CAMK1D: variants seen among roughly 807,000 people sequenced by gnomAD.
CAMK1D encodes the protein calcium/calmodulin dependent protein kinase ID.
CAMK1D carries 9 observed loss-of-function variants against 47.7 expected under a neutral mutation model. The observed-to-expected ratio is 0.19, with a 90% confidence interval of 0.11 to 0.33. CAMK1D has a LOEUF of 0.33. CAMK1D is among the 10% of genes least tolerant of loss of function. The probability of loss-of-function intolerance (pLI) is 1.00; values close to 1 mark genes in which losing one functional copy is unlikely to be tolerated. For missense variants in CAMK1D, 291 were observed against 488.7 expected (o/e 0.60, Z 3.81); for synonymous variants, 184 against 184.9 (o/e 0.99, Z 0.04).
chr10:12,363,589 T>A (rs1353161700), intron 1 of CAMK1D, among the ~76,000 whole-genome samples: 1 of 152,048 alleles, frequency 6.6e-6, no homozygotes, highest in Non-Finnish European at 1.5e-5. Flanking sequence ...AAATAGTTGT[T>A]ACACTGTATT....
chr10:12,511,466 T>C (rs1835037266), intron 1 of CAMK1D, among the ~76,000 whole-genome samples: 1 of 151,958 alleles, frequency 6.6e-6, no homozygotes, highest in Admixed American at 6.6e-5. Context: ...AACAAATTGG[T>C]CAGGTGTGGT....
chr10:12,590,565 G>A (rs921497100), intron 2 of CAMK1D, among the ~76,000 whole-genome samples: 6 of 152,138 alleles, frequency 3.9e-5, no homozygotes, highest in African/African-American at 1.4e-4. Context: ...TAGCACCTAG[G>A]AGAGTACTTT....
At chr10:12,604,086 C>T (rs1195630363) in intron 2 of CAMK1D, among the ~76,000 whole-genome samples, 2 of 141,134 alleles carry the variant, frequency 1.4e-5, no homozygotes, top group South Asian at 2.3e-4. Context: ...CTCTGTCATA[C>T]TGGGATCGCT....
intron 4 of CAMK1D, among the ~76,000 whole-genome samples, chr10:12,763,976 A>G (rs2130912919): frequency 6.6e-6 from 1 of 152,128 alleles, no homozygotes; most frequent in Non-Finnish European, 1.5e-5. Context: ...TCCTGTTGGG[A>G]TCGGGGATGG....
At chr10:12,352,090 C>T (rs1164524412) in intron 1 of CAMK1D, among the ~76,000 whole-genome samples, 1 of 152,170 alleles carries the variant, frequency 6.6e-6, no homozygotes, top group Non-Finnish European at 1.5e-5. Context: ...TTTACCATTA[C>T]ACCCAATTTG....
rs1244927320 is a variant in CAMK1D at position 12,827,472 on chromosome 10, GTCTTTCTTTCTTTCTTTCTTTCTTTCTT to G, written c.1040-1255_1040-1228del. Reference sequence around the variant, plus strand: ...CTTTCTTTTCTTTCTTTGTCTGTCTGTCTTTCTTTCTTTCTTTCTTTCTTTCTTTCTTTCTTTCTTTCTTTCTTTCTTT... The same window carrying G: ...CTTTCTTTTCTTTCTTTGTCTGTCTGTCTTTCTTTCTTTCTTTCTTTCTTT... On this transcript the variant is annotated intron_variant, in intron 10 of 10. Coordinates refer to ENST00000619168, the MANE Select transcript of CAMK1D (RefSeq NM_153498.4). Among the ~76,000 whole-genome samples, 4 of 5,096 alleles carry G rather than the reference GTCTTTCTTTCTTTCTTTCTTTCTTTCTT, an allele frequency of 7.8e-4. 1 individual carries two copies. The highest frequency in any genetic ancestry group is 1.9e-3 in the African/African-American group (4 of 2,156). The allele number at this position is 5,096 out of a possible 152,430, so 3.3% of individuals were successfully genotyped here. A position where few individuals can be genotyped will look rare whatever the true frequency, so the allele number is the denominator to read the frequency against.
chr10:12,704,958 T>C (rs1833674510), intron 3 of CAMK1D, among the ~76,000 whole-genome samples: 2 of 152,212 alleles, frequency 1.3e-5, no homozygotes, highest in African/African-American at 2.4e-5. Context: ...AATCAAAATA[T>C]AGAGGCAGTG....
chr10:12,654,535 A>G (rs1028781860), intron 2 of CAMK1D, among the ~76,000 whole-genome samples: 14 of 152,214 alleles, frequency 9.2e-5, no homozygotes, highest in African/African-American at 3.4e-4. Context: ...TTAGTGTTTC[A>G]AAGTCTTGCT....
rs775467364 is a variant in CAMK1D at position 12,828,835 on chromosome 10, A to G, written c.1106A>G (p.Glu369Gly). 3.7e-6 allele frequency: 6 copies of G among 1,613,554 alleles called. No individual in the cohort carries two copies. The highest frequency in any genetic ancestry group is 1.3e-5 in the African/African-American group (1 of 74,848). ...TCGGGGGTCTCAGGAGTTGGAGCCG[A>G]GCGGAGACCCAGGCCCACCACTGTG... ...SSSGVSGVGA[E>G]RRPRPTTVTA... Residue 369 changes from glutamate to glycine, a missense_variant, in exon 11 of 11, where the codon GAG (glutamate) becomes GGG (glycine). Glu to Gly is a moderately conservative substitution (Grantham distance 98, BLOSUM62 -2). Around this residue, in one of 2 missense-constraint regions of CAMK1D, gnomAD observed 72 missense variants for 64.4 expected, o/e 1.12. Transcript: ENST00000619168.
rs1294387399 is a variant in CAMK1D, at chr10:12,615,589, G to A, written c.225-51147G>A. Among the ~76,000 whole-genome samples the A allele has an allele frequency of 1.2e-3, 16 of 13,392 alleles. 1 individual carries two copies. Among genetic ancestry groups the A allele is most frequent in the Non-Finnish European group, 4.0e-3 (2 of 494 alleles). The allele number at this position is 13,392 out of a possible 152,430, so 8.8% of individuals were successfully genotyped here. A position where few individuals can be genotyped will look rare whatever the true frequency, so the allele number is the denominator to read the frequency against. ...ATCGTGTGTGTGCGTGTGTGTAGGT[G>A]TGTATTGTGTTTGCAAGTATGTATA... On this transcript the variant is annotated intron_variant, in intron 2 of 10. Transcript: ENST00000619168.
At chr10:12,593,435 C>A (rs1838054450) in intron 2 of CAMK1D, among the ~76,000 whole-genome samples, 1 of 151,986 alleles carries the variant, frequency 6.6e-6, no homozygotes, top group African/African-American at 2.4e-5. Context: ...ACCGAAAATA[C>A]AAAAATTAGC....
At chr10:12,504,460 C>A (rs963544100) in intron 1 of CAMK1D, among the ~76,000 whole-genome samples, 7 of 152,196 alleles carry the variant, frequency 4.6e-5, no homozygotes, top group African/African-American at 1.7e-4. Flanking sequence ...GTCGCCCACC[C>A]TTCCTCTGCC....
chr10:12,571,615 C>T (rs919937294), intron 2 of CAMK1D, among the ~76,000 whole-genome samples: 16 of 152,140 alleles, frequency 1.1e-4, no homozygotes, highest in African/African-American at 3.6e-4. Context: ...CTTCAGAAAC[C>T]CAGGGTAACC....
Position 12,364,491 on chromosome 10 carries a change from C to T in CAMK1D, c.92+14581C>T, listed in dbSNP as rs117895794. ...CTTCTGACCTCAGGTGATCCGCCCA[C>T]CTAGGCCTCCCGAAGTACTAGGATT... On this transcript the variant is annotated intron_variant, in intron 1 of 10. Transcript: ENST00000619168. 3.6e-3 allele frequency among the ~76,000 whole-genome samples: 546 copies of T among 152,114 alleles called. 7 individuals are homozygous for T. Among genetic ancestry groups the T allele is most frequent in the East Asian group, 0.036 (185 of 5,180 alleles).
At chr10:12,693,304 G>A (rs1056789798) in intron 3 of CAMK1D, among the ~76,000 whole-genome samples, 5 of 152,204 alleles carry the variant, frequency 3.3e-5, no homozygotes, top group East Asian at 3.9e-4. Flanking sequence ...GGCAGAGGTC[G>A]CAGTGAGCTG....
intron 1 of CAMK1D, among the ~76,000 whole-genome samples, chr10:12,473,679 A>G (rs1267239812): frequency 6.6e-6 from 1 of 152,196 alleles, no homozygotes; most frequent in Non-Finnish European, 1.5e-5. Context: ...ACTGGTGACT[A>G]GATGGCGGAG....
intron 1 of CAMK1D, among the ~76,000 whole-genome samples, chr10:12,464,741 G>A (rs1166390689): frequency 6.6e-6 from 1 of 151,884 alleles, no homozygotes; most frequent in Non-Finnish European, 1.5e-5. Flanking sequence ...CATGAACCCG[G>A]GAGGCGGAGC....
intron 2 of CAMK1D, among the ~76,000 whole-genome samples, chr10:12,659,340 A>G (rs1011695903): frequency 2.0e-5 from 3 of 152,204 alleles, no homozygotes; most frequent in African/African-American, 7.2e-5. Flanking sequence ...CGGAAAATGG[A>G]TAGGAAGAGA....
At chr10:12,594,179 TATAAG>T (rs1320830464) in intron 2 of CAMK1D, among the ~76,000 whole-genome samples, 1 of 152,116 alleles carries the variant, frequency 6.6e-6, no homozygotes, top group African/African-American at 2.4e-5. Context: ...GTTCTGTCAT[TATAAG>T]AGGTGAGCTC....
Sources: gnomAD v4.1 joint callset for allele counts (sites outside exome capture counted in the v4.1 genomes callset) on GRCh38, gnomAD v4.1.1 for gene constraint, gnomAD v4.1.1 regional missense constraint, MANE v1.5 for transcripts, NCBI Gene and HGNC (gene_info 2026-07-23, HGNC 2026-07-21) for gene names.